FAM169A: variants seen among roughly 807,000 people sequenced by gnomAD.
The protein encoded by FAM169A is family with sequence similarity 169 member A.
In FAM169A, 24 loss-of-function variants were observed where a neutral mutation model predicts 75.7. The observed-to-expected ratio is 0.32, with a 90% CI of 0.23 to 0.45. The LOEUF is 0.45. Among genes scored for constraint, FAM169A ranks in the 20% least tolerant of loss-of-function variants. The pLI, the probability that FAM169A is intolerant of heterozygous loss-of-function variation, is 1.00. For synonymous variants in FAM169A, 271 were observed against 271.0 expected, an observed-to-expected ratio of 1.00 and a Z score of 0.00; for missense variants, 673 against 784.0, an observed-to-expected ratio of 0.86 and a Z score of 1.69.
At chr5:74,843,425 G>A (rs577323397) in intron 1 of FAM169A, among the ~76,000 whole-genome samples, 5 of 152,048 alleles carry the variant, frequency 3.3e-5, no homozygotes, top group East Asian at 3.9e-4. Flanking sequence ...GCACCCTGTC[G>A]GAGATTAAAA....
chr5:74,822,054 T>C (rs1353934660), intron 5 of FAM169A, among the ~76,000 whole-genome samples: 1 of 152,176 alleles, frequency 6.6e-6, no homozygotes, highest in Non-Finnish European at 1.5e-5. Context: ...AGTGCCAAAG[T>C]GGAACCTGCC....
At chr5:74,804,422 T>C (rs2112540795) in intron 8 of FAM169A, 71 bp downstream of exon 8, 2 of 625,456 alleles carry the variant, frequency 3.2e-6, no homozygotes, top group East Asian at 2.9e-5. Context: ...AACTCAAATA[T>C]AACCTGTATC....
chr5:74,809,103 A>G (rs1318350313), intron 6 of FAM169A, among the ~76,000 whole-genome samples: 1 of 152,196 alleles, frequency 6.6e-6, no homozygotes, highest in Non-Finnish European at 1.5e-5. Flanking sequence ...GAACACTGAT[A>G]AATACTTCCA....
chr5:74,811,009 G>GTC (rs1355266318), intron 6 of FAM169A, among the ~76,000 whole-genome samples: 1 of 137,420 alleles, frequency 7.3e-6, no homozygotes, highest in African/African-American at 2.8e-5. Context: ...TTCAGACAGA[G>GTC]TCTCGCTCTG....
chr5:74,861,078 G>A (rs150794682), intron 1 of FAM169A, among the ~76,000 whole-genome samples: 38 of 152,212 alleles, frequency 2.5e-4, no homozygotes, highest in African/African-American at 7.2e-4. Flanking sequence ...CTGACCTTGC[G>A]GTGAGCTGAG....
upstream of FAM169A, chr5:74,866,706 C>G (rs1262947531): frequency 3.1e-6 from 3 of 974,768 alleles, no homozygotes; most frequent in African/African-American, 5.3e-5. Flanking sequence ...GCGGTTAAGC[C>G]GCGGGGGCTG....
At chr5:74,854,714 T>C (rs903213075) in intron 1 of FAM169A, among the ~76,000 whole-genome samples, 3 of 152,202 alleles carry the variant, frequency 2.0e-5, no homozygotes, top group African/African-American at 7.2e-5. Context: ...AAAGTTCGTC[T>C]TTCTGTGTCT....
At chr5:74,804,418 A>G (rs2112540771) in intron 8 of FAM169A, 75 bp downstream of exon 8, 1 of 615,936 alleles carries the variant, frequency 1.6e-6, no homozygotes, top group Non-Finnish European at 2.7e-6. Flanking sequence ...TTAAAACTCA[A>G]ATATAACCTG....
Position 74,866,285 on chromosome 5 carries a change from G to A in FAM169A, c.-124C>T. 4.1e-6 allele frequency: 4 copies of A among 983,944 alleles called. No individual in the cohort carries two copies. Among genetic ancestry groups the A allele is most frequent in the Non-Finnish European group, 4.8e-6 (4 of 829,256 alleles). 61.0% of individuals were successfully genotyped at this position (983,944 alleles called of 1,614,324 possible). A position where few individuals can be genotyped will look rare whatever the true frequency, so the allele number is the denominator to read the frequency against. On this transcript the variant is annotated 5_prime_UTR_variant, in exon 1 of 13. Transcript: ENST00000687041. ...GCCGGTCCCAGGCCGCACAGCTCGCGGCTGCCAGGGCGAGTGCGGCTGCCT... is the reference window on the plus strand; with the variant it reads ...GCCGGTCCCAGGCCGCACAGCTCGCAGCTGCCAGGGCGAGTGCGGCTGCCT...
upstream of FAM169A, chr5:74,866,730 G>T: frequency 1.0e-5 from 10 of 985,102 alleles, no homozygotes; most frequent in Non-Finnish European, 1.2e-5. Context: ...CGCTGATTTT[G>T]CGTATTCCTT....
chr5:74,843,734 T>C (rs981806547), intron 1 of FAM169A, among the ~76,000 whole-genome samples: 1 of 152,248 alleles, frequency 6.6e-6, no homozygotes, highest in African/African-American at 2.4e-5. Context: ...ATGAACACTG[T>C]TGCATCTATC....
chr5:74,816,268 T>A (rs1481539288), intron 5 of FAM169A, among the ~76,000 whole-genome samples: 2 of 152,244 alleles, frequency 1.3e-5, no homozygotes, highest in African/African-American at 4.8e-5. Context: ...TGTCTAGTTC[T>A]AGTTCTCAAT....
At position 74,866,153 on chromosome 5, in the gene FAM169A, G is replaced by C; in HGVS notation, c.-4+12C>G. 3 of 978,944 alleles carry C rather than the reference G, an allele frequency of 3.1e-6. No homozygotes were observed. Among genetic ancestry groups the C allele is most frequent in the Non-Finnish European group, 3.6e-6 (3 of 824,682 alleles). The allele number at this position is 978,944 out of a possible 1,614,324, so 60.6% of individuals were successfully genotyped here. ...CCCAGCGGTCCGCGCCGGGGAGAGG[G>C]AGCGCACTCACCTCAGACGCGCCCC... is the stretch of plus-strand genomic sequence containing the variant. On this transcript the variant is annotated intron_variant, in intron 1 of 12. Coordinates refer to ENST00000687041, the MANE Select transcript of FAM169A (RefSeq NM_001376049.1).
intron 11 of FAM169A, 135 bp downstream of exon 11, chr5:74,795,893 AAT>A (rs1746246794): frequency 3.9e-6 from 3 of 762,076 alleles, no homozygotes; most frequent in Admixed American, 3.0e-5. Context: ...GACCTTGCTT[AAT>A]ATATATGATT....
chr5:74,778,369 A>G lies in FAM169A; in HGVS notation c.*3091T>C, dbSNP rs896394016. 6.6e-6 allele frequency: 1 copy of G among 152,094 alleles called. No individual in the cohort carries two copies. Among genetic ancestry groups the G allele is most frequent in the Non-Finnish European group, 1.5e-5 (1 of 67,912 alleles). The allele number at this position is 152,094 out of a possible 1,614,324, so 9.4% of individuals were successfully genotyped here. On this transcript the variant is annotated 3_prime_UTR_variant, in exon 13 of 13. Transcript: ENST00000687041. ...GTAATCCCAAGGGATAAAGCAGAAC[A>G]TAAGAGCAGATATTTAGATATTAGT... is the stretch of plus-strand genomic sequence containing the variant.
intron 11 of FAM169A, among the ~76,000 whole-genome samples, chr5:74,792,757 T>G (rs1050542628): frequency 2.0e-5 from 3 of 152,174 alleles, no homozygotes; most frequent in Admixed American, 6.5e-5. Context: ...AAATAGATGC[T>G]GGAGTGGATA....
chr5:74,783,708 A>G (rs1580068657), intron 11 of FAM169A, among the ~76,000 whole-genome samples: 1 of 152,216 alleles, frequency 6.6e-6, no homozygotes, highest in African/African-American at 2.4e-5. Context: ...TGCTCCTTGC[A>G]TATCATTAAA....
intron 5 of FAM169A, among the ~76,000 whole-genome samples, chr5:74,825,798 A>C (rs1048213363): frequency 5.9e-5 from 9 of 152,142 alleles, no homozygotes; most frequent in South Asian, 2.1e-4. Context: ...TCTTTTGTCT[A>C]AATCATTCTC....
At chr5:74,845,751 T>C (rs1749123426) in intron 1 of FAM169A, among the ~76,000 whole-genome samples, 1 of 152,190 alleles carries the variant, frequency 6.6e-6, no homozygotes, top group East Asian at 1.9e-4. Flanking sequence ...CAGCCAACTT[T>C]TCAAAAGCCT....
Sources: allele counts gnomAD v4.1 joint callset (sites outside exome capture counted in the v4.1 genomes callset), GRCh38; gene constraint gnomAD v4.1.1; transcripts MANE v1.5; gene names NCBI Gene and HGNC (gene_info 2026-07-23, HGNC 2026-07-21).